TAOK2: variants seen among roughly 807,000 people sequenced by gnomAD.
TAOK2 encodes TAO kinase 2.
In TAOK2, 42 loss-of-function variants were observed where a neutral mutation model predicts 122.5. That is an observed-to-expected ratio of 0.34 (90% CI 0.27 to 0.44). TAOK2 has a LOEUF of 0.44. Among genes scored for constraint, TAOK2 ranks in the 20% least tolerant of loss-of-function variants. The pLI is 1.00. For missense variants in TAOK2, 1,264 were observed against 1,644.9 expected (o/e 0.77, Z 4.01); for synonymous variants, 704 against 677.6 (o/e 1.04, Z -0.61).
Position 29,983,679 on chromosome 16 carries a change from C to G in TAOK2, c.1422+15C>G. The G allele has an allele frequency of 6.3e-7, 1 of 1,591,394 alleles. No homozygotes were observed. The highest frequency in any genetic ancestry group is 8.6e-7 in the Non-Finnish European group (1 of 1,166,572). ...CCGCCTCCCTGGTGAGTGTAGCCAT[C>G]CTCACTCAGCCTGCTCGCTGTCTGT... On this transcript the variant is annotated intron_variant, in intron 13 of 15. Coordinates refer to ENST00000308893, the MANE Select transcript of TAOK2 (RefSeq NM_016151.4).
rs771780720 is a variant in TAOK2 at position 29,987,520 on chromosome 16, G to A, written c.3248G>A (p.Arg1083Gln). 13 of 1,609,594 alleles carry A rather than the reference G, an allele frequency of 8.1e-6. No homozygotes were observed. The highest frequency in any genetic ancestry group is 2.2e-5 in the East Asian group (1 of 44,788). ...CCCCGGGTGCGCCGGGGCATATCTCGACTCTGGTTGCGGGTTCTGCTGCGC... is the reference window on the plus strand; with the variant it reads ...CCCCGGGTGCGCCGGGGCATATCTCAACTCTGGTTGCGGGTTCTGCTGCGC... ...QGPRVRRGISRLWLRVLLRLS... is the reference protein window; with the variant it reads ...QGPRVRRGISQLWLRVLLRLS... The change falls in exon 16 of 16, where the codon CGA becomes CAA. Residue 1083 changes from arginine to glutamine, a missense_variant. Transcript: ENST00000308893.
At chr16:29,975,370 C>T (rs1200921303) in intron 1 of TAOK2, among the ~76,000 whole-genome samples, 1 of 152,216 alleles carries the variant, frequency 6.6e-6, no homozygotes, top group Non-Finnish European at 1.5e-5. Flanking sequence ...CCCAAGGTCA[C>T]ACAGTGGCAG....
At chr16:29,981,580 AC>A in intron 8 of TAOK2, 80 bp from the exon 9 acceptor site, 1 of 1,344,914 alleles carries the variant, frequency 7.4e-7, no homozygotes, top group Non-Finnish European at 1.1e-6. Flanking sequence ...TGGGGTTTGA[AC>A]CCAAGTCGTC....
At chr16:29,990,903 C>T (rs556505531), downstream of TAOK2, 36 of 1,613,616 alleles carry the variant, frequency 2.2e-5, no homozygotes, top group East Asian at 1.8e-4. Flanking sequence ...AGAGCCAGCA[C>T]GAGAGGGAGC....
chr16:29,976,510 C>G lies in TAOK2; in HGVS notation c.-35-1228C>G, dbSNP rs566842462. ...TAGGTGCTTTTGAGTAGCTAGAACT[C>G]TGCCCCAGGAGTCCAGCTCTGCTGA... On this transcript the variant is annotated intron_variant, in intron 1 of 15. Coordinates refer to ENST00000308893, the MANE Select transcript of TAOK2 (RefSeq NM_016151.4). Among the ~76,000 whole-genome samples the G allele has an allele frequency of 6.6e-5, 10 of 152,350 alleles. No individual in the cohort carries two copies. The South Asian group carries it at 1.9e-3, about 28-fold the overall frequency.
Position 29,982,911 on chromosome 16 carries a change from C to G in TAOK2, c.999+10C>G, listed in dbSNP as rs758801354. ...CCCAGAGGAGGAAGAGGTGACCCAGCTTGCCCTAACACCCCTCTTTATACC... is the reference window on the plus strand; with the variant it reads ...CCCAGAGGAGGAAGAGGTGACCCAGGTTGCCCTAACACCCCTCTTTATACC... On this transcript the variant is annotated intron_variant, in intron 11 of 15. Transcript: ENST00000308893. 1 of 1,613,244 alleles carries G rather than the reference C, an allele frequency of 6.2e-7. No homozygotes were observed. The highest frequency in any genetic ancestry group is 1.3e-5 in the African/African-American group (1 of 74,864).
At position 29,983,614 on chromosome 16, in the gene TAOK2, G is replaced by T; in HGVS notation, c.1372G>T (p.Ala458Ser). 1 of 1,613,540 alleles carries T rather than the reference G, an allele frequency of 6.2e-7. No homozygotes were observed. The highest frequency in any genetic ancestry group is 8.5e-7 in the Non-Finnish European group (1 of 1,180,010). ...TSTTSSARRR[A>S]YCRNRDHFAT... Reference sequence around the variant, plus strand: ...CACCACCTCTTCCGCCCGCCGCCGGGCCTACTGCCGTAACCGAGACCACTT... The same window carrying T: ...CACCACCTCTTCCGCCCGCCGCCGGTCCTACTGCCGTAACCGAGACCACTT... The change falls in exon 13 of 16, where the codon GCC (alanine) becomes TCC (serine). Residue 458 changes from alanine (A) to serine (S), a missense_variant. By Grantham distance (99) the Ala-to-Ser change is moderately conservative. Coordinates refer to ENST00000308893, the MANE Select transcript of TAOK2 (RefSeq NM_016151.4).
chr16:29,989,622 C>T, downstream of TAOK2: 1 of 1,614,054 alleles, frequency 6.2e-7, no homozygotes, highest in East Asian at 2.2e-5. Context: ...AGAAGCAGTT[C>T]CAGGAGACGT....
rs1044387849 is a variant in TAOK2 at position 29,987,982 on chromosome 16, T to A, written c.*2T>A. ...CGGGCCCTGCCCCCCTGGAGGTAGC[T>A]GACTCCAGCCCTTCCAGCCCAAATC... On this transcript the variant is annotated 3_prime_UTR_variant, in exon 16 of 16. Coordinates refer to ENST00000308893, the MANE Select transcript of TAOK2 (RefSeq NM_016151.4). 1 of 1,523,364 alleles carries A rather than the reference T, an allele frequency of 6.6e-7. No homozygotes were observed. Among genetic ancestry groups the A allele is most frequent in the African/African-American group, 1.4e-5 (1 of 72,826 alleles). 94.4% of individuals were successfully genotyped at this position (1,523,364 alleles called of 1,614,324 possible).
At chr16:29,977,939 G>A (rs1332268474) in intron 2 of TAOK2, 35 bp downstream of exon 2, 1 of 1,614,002 alleles carries the variant, frequency 6.2e-7, no homozygotes. Context: ...AATAGGGATG[G>A]GGACTCTTCC....
Position 29,979,561 on chromosome 16 carries a change from T to C in TAOK2, c.655+53T>C. 1 of 1,378,308 alleles carries C rather than the reference T, an allele frequency of 7.3e-7. No homozygotes were observed. The highest frequency in any genetic ancestry group is 9.7e-7 in the Non-Finnish European group (1 of 1,032,044). The allele number at this position is 1,378,308 out of a possible 1,614,324, so 85.4% of individuals were successfully genotyped here. A position where few individuals can be genotyped will look rare whatever the true frequency, so the allele number is the denominator to read the frequency against. On this transcript the variant is annotated intron_variant, in intron 8 of 15. Coordinates refer to ENST00000308893, the MANE Select transcript of TAOK2 (RefSeq NM_016151.4). This position sits in a 1 kb window ranked among gnomAD's most constrained non-coding sequence, Gnocchi z 4.1. ...CATCTTTTCCATTCTTTCCTGTTAG[T>C]TCCCAGACTCCGGACTACCCCCTTC... is the stretch of plus-strand genomic sequence containing the variant.
Position 29,986,272 on chromosome 16 carries a change from A to G in TAOK2, c.2000A>G (p.Asn667Ser). The change falls in exon 16 of 16, where the codon AAC becomes AGC. Residue 667 changes from asparagine to serine, a missense_variant. Transcript: ENST00000308893. The surrounding 1 kb of genome is among the most constrained non-coding windows in gnomAD (Gnocchi z 4.2). ...GCATTTCTTCTGCCTCAGGACCTGA[A>G]CAAGAAGCAGACCCAGAAGGACTTG... Reference protein sequence around the residue: ...LDQDLLREDLNKKQTQKDLEC... With the variant: ...LDQDLLREDLSKKQTQKDLEC... 1.3e-6 allele frequency: 2 copies of G among 1,516,224 alleles called. No homozygotes were observed. Among genetic ancestry groups the G allele is most frequent in the Non-Finnish European group, 1.8e-6 (2 of 1,132,096 alleles). 93.9% of individuals were successfully genotyped at this position (1,516,224 alleles called of 1,614,324 possible). A position where few individuals can be genotyped will look rare whatever the true frequency, so the allele number is the denominator to read the frequency against.
At chr16:29,981,529 T>A in intron 8 of TAOK2, 132 bp from the exon 9 acceptor site, 1 of 789,332 alleles carries the variant, frequency 1.3e-6, no homozygotes, top group Non-Finnish European at 2.2e-6. Flanking sequence ...AACAGGATGA[T>A]GGGAACTTCT....
intron 1 of TAOK2, among the ~76,000 whole-genome samples, chr16:29,975,134 G>T (rs994300351): frequency 3.3e-5 from 5 of 152,268 alleles, no homozygotes; most frequent in East Asian, 3.9e-4. Flanking sequence ...GCGTGTGTGT[G>T]TGTGCTTGGA....
chr16:29,990,688 C>A, downstream of TAOK2: 1 of 1,275,746 alleles, frequency 7.8e-7, no homozygotes, highest in Middle Eastern at 2.2e-4. Context: ...GAGACCGCTG[C>A]TTCTTGAAAC....
Position 29,987,537 on chromosome 16 carries a change from C to T in TAOK2, c.3265C>T (p.Leu1089=), listed in dbSNP as rs1450852060. Residue 1089 remains leucine, a synonymous_variant, in exon 16 of 16, where the codon CTG becomes TTG. Transcript: ENST00000308893. ...RGISRLWLRV[L]LRLSPMAFRA... Reference sequence around the variant, plus strand: ...CATATCTCGACTCTGGTTGCGGGTTCTGCTGCGCCTGTCACCCATGGCCTT... The same window carrying T: ...CATATCTCGACTCTGGTTGCGGGTTTTGCTGCGCCTGTCACCCATGGCCTT... 1.2e-6 allele frequency: 2 copies of T among 1,611,862 alleles called. No individual in the cohort carries two copies. Among genetic ancestry groups the T allele is most frequent in the East Asian group, 2.2e-5 (1 of 44,844 alleles).
Position 29,974,641 on chromosome 16 carries a change from C to T in TAOK2, c.-43C>T, listed in dbSNP as rs2069396936. 1 of 152,594 alleles carries T rather than the reference C, an allele frequency of 6.6e-6. No homozygotes were observed. Among genetic ancestry groups the T allele is most frequent in the Non-Finnish European group, 1.5e-5 (1 of 68,048 alleles). 9.5% of individuals were successfully genotyped at this position (152,594 alleles called of 1,614,324 possible). A position where few individuals can be genotyped will look rare whatever the true frequency, so the allele number is the denominator to read the frequency against. On this transcript the variant is annotated 5_prime_UTR_variant, in exon 1 of 16. Coordinates refer to ENST00000308893, the MANE Select transcript of TAOK2 (RefSeq NM_016151.4). ...GAGGCGCTGGGGCACCATAGTGACCCCTACCAGGTGAGACACGGGGTGCAG... is the reference window on the plus strand; with the variant it reads ...GAGGCGCTGGGGCACCATAGTGACCTCTACCAGGTGAGACACGGGGTGCAG...
In TAOK2 at chr16:29,983,229, A is replaced by G; in HGVS notation, c.1157A>G (p.Glu386Gly). The G allele has an allele frequency of 6.2e-7, 1 of 1,612,816 alleles. No homozygotes were observed. Among genetic ancestry groups the G allele is most frequent in the Non-Finnish European group, 8.5e-7 (1 of 1,179,850 alleles). ...GAGGAAGAGGAGGAGGAGGAGGAGG[A>G]AGAGGAGGAGGAGGAAGAAGGCCCT... is the stretch of plus-strand genomic sequence containing the variant. The part of the protein sequence containing the change: ...DNEEEEEEEE[E>G]EEEEEEGPEA... The change falls in exon 12 of 16, where the codon GAA (glutamate) becomes GGA (glycine). Residue 386 changes from glutamate to glycine, a missense_variant. Glu to Gly is a moderately conservative substitution (Grantham distance 98). This residue lies in a region of TAOK2 where 122 missense variants were observed against 116.7 expected (regional missense o/e 1.04). Coordinates refer to ENST00000308893, the MANE Select transcript of TAOK2 (RefSeq NM_016151.4).
Position 29,978,069 on chromosome 16 carries a change from C to T in TAOK2, c.133-20C>T, listed in dbSNP as rs774382057. ...CGGCTCTCAATGGGGCCTTCAACAC[C>T]TTCTGGTCTGGTCCTCTAGGCCCGG... On this transcript the variant is annotated intron_variant, in intron 2 of 15. Transcript: ENST00000308893. The T allele has an allele frequency of 3.1e-6, 5 of 1,614,026 alleles. No homozygotes were observed. In the African/African-American group the frequency reaches 4.0e-5, roughly 13 times the overall value.
Sources: allele counts gnomAD v4.1 joint callset (sites outside exome capture counted in the v4.1 genomes callset), GRCh38; gene constraint gnomAD v4.1.1; regional missense constraint gnomAD v4.1.1; non-coding constraint Gnocchi (gnomAD v3.1); transcripts MANE v1.5; gene names NCBI Gene and HGNC (gene_info 2026-07-23, HGNC 2026-07-21).